KCNQ1OT1: variants seen among roughly 807,000 people sequenced by gnomAD.
The protein encoded by KCNQ1OT1 is KCNQ1 opposite strand/antisense transcript 1.
rs1180292974 is a variant in KCNQ1OT1 at position 2,676,703 on chromosome 11, A to G, written n.23292T>C. 2 of 398,550 alleles carry G rather than the reference A, an allele frequency of 5.0e-6. No homozygotes were observed. The highest frequency in any genetic ancestry group is 8.8e-6 in the Non-Finnish European group (2 of 226,082). 24.7% of individuals were successfully genotyped at this position (398,550 alleles called of 1,614,324 possible). A position where few individuals can be genotyped will look rare whatever the true frequency, so the allele number is the denominator to read the frequency against. On this transcript the variant is annotated non_coding_transcript_exon_variant, in exon 1 of 1. Coordinates refer to ENST00000597346, the Ensembl canonical transcript of KCNQ1OT1. The surrounding 1 kb of genome is among the most constrained non-coding windows in gnomAD (Gnocchi z 4.2). ...AGCACTAACTGGACTACAGCCTGGC[A>G]GGAGATAACCAAGTCATATGCATAG... is the stretch of plus-strand genomic sequence containing the variant.
chr11:2,616,211 TTTC>T (rs893434478), exon 1 of KCNQ1OT1: 22 of 397,558 alleles, frequency 5.5e-5, no homozygotes, highest in Non-Finnish European at 9.3e-5. Flanking sequence ...TTTGTTTTTT[TTTC>T]TTATTTTTGT....
Position 2,661,970 on chromosome 11 carries a change from G to A in KCNQ1OT1, n.38025C>T, listed in dbSNP as rs1164903677. ...CACACTTTCTCCTCAGTAAGGAAGA[G>A]CCCAACACTGCTGGAAGTGAGCATG... On this transcript the variant is annotated non_coding_transcript_exon_variant, in exon 1 of 1. Coordinates refer to ENST00000597346, the Ensembl canonical transcript of KCNQ1OT1. The surrounding 1 kb of genome is among the most constrained non-coding windows in gnomAD (Gnocchi z 5.9). 1.2e-6 allele frequency: 2 copies of A among 1,614,210 alleles called. No individual in the cohort carries two copies. The highest frequency in any genetic ancestry group is 1.7e-5 in the Admixed American group (1 of 60,032).
rs143282761 is a variant in KCNQ1OT1 at position 2,623,375 on chromosome 11, T to A, written n.76620A>T. On this transcript the variant is annotated non_coding_transcript_exon_variant, in exon 1 of 1. Coordinates refer to ENST00000597346, the Ensembl canonical transcript of KCNQ1OT1. This position sits in a 1 kb window ranked among gnomAD's most constrained non-coding sequence, Gnocchi z 5.2. The stretch of plus-strand genomic sequence containing the variant: ...TCATACAGATACGTATATTTACATA[T>A]ATTTGTACATTTTCACTGCCCTAAA... The A allele has an allele frequency of 5.0e-6, 2 of 398,622 alleles. No homozygotes were observed. The highest frequency in any genetic ancestry group is 4.1e-5 in the African/African-American group (2 of 48,748). 24.7% of individuals were successfully genotyped at this position (398,622 alleles called of 1,614,324 possible).
exon 1 of KCNQ1OT1, chr11:2,646,631 T>A (rs929344284): frequency 5.0e-6 from 2 of 398,668 alleles, no homozygotes; most frequent in Non-Finnish European, 4.4e-6. Flanking sequence ...GTTCAAGTGA[T>A]CCTCCCATCT....
exon 1 of KCNQ1OT1, chr11:2,622,532 A>G: frequency 2.5e-6 from 1 of 398,422 alleles, no homozygotes; most frequent in Non-Finnish European, 4.4e-6. Context: ...AATTTAATCG[A>G]CTTACATTTA....
Position 2,613,147 on chromosome 11 carries a change from C to G in KCNQ1OT1, n.86848G>C, listed in dbSNP as rs1238225521. ...ATCTTCCACCCTCTGCTGAGGGGAT[C>G]TATGTGTGGGTTGGGACATTCAAAG... On this transcript the variant is annotated non_coding_transcript_exon_variant, in exon 1 of 1. Transcript: ENST00000597346. The surrounding 1 kb of genome is among the most constrained non-coding windows in gnomAD (Gnocchi z 4.8). 2.5e-6 allele frequency: 1 copy of G among 398,450 alleles called. No homozygotes were observed. Among genetic ancestry groups the G allele is most frequent in the African/African-American group, 2.1e-5 (1 of 48,592 alleles). The allele number at this position is 398,450 out of a possible 1,614,324, so 24.7% of individuals were successfully genotyped here.
Position 2,695,196 on chromosome 11 carries a change from A to G in KCNQ1OT1, n.4799T>C, listed in dbSNP as rs1850653559. On this transcript the variant is annotated non_coding_transcript_exon_variant, in exon 1 of 1. Transcript: ENST00000597346. The surrounding 1 kb of genome is among the most constrained non-coding windows in gnomAD (Gnocchi z 5.2). ...GATCACAGCCCTCAGCCTATGAAAC[A>G]CTGTCACCCTGTAAGGGTCTGCATA... 2.5e-6 allele frequency: 1 copy of G among 398,466 alleles called. No individual in the cohort carries two copies. The highest frequency in any genetic ancestry group is 2.1e-5 in the African/African-American group (1 of 48,592). The allele number at this position is 398,466 out of a possible 1,614,324, so 24.7% of individuals were successfully genotyped here.
At chr11:2,680,100 C>T (rs1430167981) in exon 1 of KCNQ1OT1, 1 of 395,956 alleles carries the variant, frequency 2.5e-6, no homozygotes, top group African/African-American at 2.1e-5. Flanking sequence ...CCATGTTGGC[C>T]AGGCTGGTCT....
chr11:2,610,841 C>G (rs1848969521), exon 1 of KCNQ1OT1: 1 of 385,688 alleles, frequency 2.6e-6, no homozygotes, highest in South Asian at 1.3e-4. Context: ...GACACCAGAA[C>G]AGGGGAGGGT....
chr11:2,688,090 G>A lies in KCNQ1OT1; in HGVS notation n.11905C>T, dbSNP rs542382320. ...GGTGCTTCTAGGGCCTGGGTATGCTGGAGTCAGGCAGGGGACCTGGTGGGG... is the reference window on the plus strand; with the variant it reads ...GGTGCTTCTAGGGCCTGGGTATGCTAGAGTCAGGCAGGGGACCTGGTGGGG... On this transcript the variant is annotated non_coding_transcript_exon_variant, in exon 1 of 1. Transcript: ENST00000597346. 5 of 399,010 alleles carry A rather than the reference G, an allele frequency of 1.3e-5. No homozygotes were observed. The East Asian group carries it at 1.8e-4, about 14-fold the overall frequency. The allele number at this position is 399,010 out of a possible 1,614,324, so 24.7% of individuals were successfully genotyped here.
exon 1 of KCNQ1OT1, chr11:2,629,875 C>A (rs1849325155): frequency 5.0e-6 from 2 of 397,984 alleles, no homozygotes; most frequent in Non-Finnish European, 4.4e-6. Context: ...CAAACAGAGA[C>A]AATTTTACTT....
Position 2,693,025 on chromosome 11 carries a change from G to T in KCNQ1OT1, n.6970C>A, listed in dbSNP as rs1352194705. 5.0e-6 allele frequency: 2 copies of T among 398,534 alleles called. 1 individual carries two copies. The highest frequency in any genetic ancestry group is 8.8e-5 in the Admixed American group (2 of 22,718). 24.7% of individuals were successfully genotyped at this position (398,534 alleles called of 1,614,324 possible). On this transcript the variant is annotated non_coding_transcript_exon_variant, in exon 1 of 1. Coordinates refer to ENST00000597346, the Ensembl canonical transcript of KCNQ1OT1. ...GCAAGCACGCTCAGTGAAGGAACAG[G>T]AAGTCCTTTCTGGAGCAGGGGGAGA...
chr11:2,635,545 C>G (rs1177168217), exon 1 of KCNQ1OT1: 1 of 152,140 alleles, frequency 6.6e-6, no homozygotes, highest in Non-Finnish European at 1.5e-5. Context: ...GTCTATATCT[C>G]TGTTTTGGTA....
Position 2,690,869 on chromosome 11 carries a change from G to A in KCNQ1OT1, n.9126C>T. On this transcript the variant is annotated non_coding_transcript_exon_variant, in exon 1 of 1. Transcript: ENST00000597346. This position sits in a 1 kb window ranked among gnomAD's most constrained non-coding sequence, Gnocchi z 5.1. ...AGGAACAGGTACCTTTAGGGACACAGGAGTGTAAGCCACTGTTTCCGTCTG... is the reference window on the plus strand; with the variant it reads ...AGGAACAGGTACCTTTAGGGACACAAGAGTGTAAGCCACTGTTTCCGTCTG... 2.5e-6 allele frequency: 1 copy of A among 398,640 alleles called. No homozygotes were observed. The highest frequency in any genetic ancestry group is 4.4e-6 in the Non-Finnish European group (1 of 226,068). 24.7% of individuals were successfully genotyped at this position (398,640 alleles called of 1,614,324 possible).
In KCNQ1OT1 at chr11:2,669,959, T is replaced by C. The variant is rs1850150958; in HGVS notation, n.30036A>G. ...GAGTCAGGTGGAGGGAAGGGAAGTC[T>C]AGAGGTCCCCAAGTCACAACCTCAA... is the stretch of plus-strand genomic sequence containing the variant. On this transcript the variant is annotated non_coding_transcript_exon_variant, in exon 1 of 1. Coordinates refer to ENST00000597346, the Ensembl canonical transcript of KCNQ1OT1. The surrounding 1 kb of genome is among the most constrained non-coding windows in gnomAD (Gnocchi z 5.6). 1 of 398,700 alleles carries C rather than the reference T, an allele frequency of 2.5e-6. No individual in the cohort carries two copies. The allele number at this position is 398,700 out of a possible 1,614,324, so 24.7% of individuals were successfully genotyped here. A position where few individuals can be genotyped will look rare whatever the true frequency, so the allele number is the denominator to read the frequency against.
rs1849241028 is a variant in KCNQ1OT1, at chr11:2,624,989, G to A, written n.75006C>T. ...ACATTTTGCTTATCCATTCTTCCAT[G>A]GACATTTGGGTTGCATTGATGTTTT... On this transcript the variant is annotated non_coding_transcript_exon_variant, in exon 1 of 1. Coordinates refer to ENST00000597346, the Ensembl canonical transcript of KCNQ1OT1. The surrounding 1 kb of genome is among the most constrained non-coding windows in gnomAD (Gnocchi z 4.9). 1 of 398,342 alleles carries A rather than the reference G, an allele frequency of 2.5e-6. No homozygotes were observed. The highest frequency in any genetic ancestry group is 2.1e-5 in the African/African-American group (1 of 48,560). The allele number at this position is 398,342 out of a possible 1,614,324, so 24.7% of individuals were successfully genotyped here.
At chr11:2,646,299 A>G (rs1849664245) in exon 1 of KCNQ1OT1, 1 of 398,376 alleles carries the variant, frequency 2.5e-6, no homozygotes, top group South Asian at 1.3e-4. Context: ...GCTATAGGTA[A>G]ATATGATCAT....
At chr11:2,616,659 A>T in exon 1 of KCNQ1OT1, 1 of 398,124 alleles carries the variant, frequency 2.5e-6, no homozygotes, top group Non-Finnish European at 4.4e-6. Flanking sequence ...ATTTTTAAAG[A>T]GTGTGTAGTT....
In KCNQ1OT1 at chr11:2,659,914, G is replaced by T. The variant is rs1381522325; in HGVS notation, n.40081C>A. On this transcript the variant is annotated non_coding_transcript_exon_variant, in exon 1 of 1. Coordinates refer to ENST00000597346, the Ensembl canonical transcript of KCNQ1OT1. This position sits in a 1 kb window ranked among gnomAD's most constrained non-coding sequence, Gnocchi z 4.3. The stretch of plus-strand genomic sequence containing the variant: ...TGTTCACTTTATTGTCAAGTTGTAA[G>T]CATTCTTTATATATTCTGAGTGCAA... 2.5e-6 allele frequency: 1 copy of T among 398,192 alleles called. No homozygotes were observed. Among genetic ancestry groups the T allele is most frequent in the Non-Finnish European group, 4.4e-6 (1 of 225,968 alleles). 24.7% of individuals were successfully genotyped at this position (398,192 alleles called of 1,614,324 possible).
Sources: gnomAD v4.1 joint callset for allele counts on GRCh38, gnomAD v4.1.1 for gene constraint, Gnocchi (gnomAD v3.1) non-coding constraint, MANE v1.5 for transcripts, NCBI Gene and HGNC (gene_info 2026-07-23, HGNC 2026-07-21) for gene names.